Variants in UBE2U observed in about 807,000 individuals in gnomAD.
UBE2U encodes ubiquitin-conjugating enzyme E2 U.
UBE2U carries 39 observed loss-of-function variants against 41.2 expected under a neutral mutation model. The ratio of observed to expected loss-of-function variants is 0.95; its 90% CI spans 0.73 to 1.24. The LOEUF is 1.24. Among genes scored for constraint, UBE2U ranks in the 50% most tolerant of loss-of-function variants. The pLI is 0.00. For missense variants in UBE2U, 336 were observed against 363.1 expected (o/e 0.93, Z 0.61); for synonymous variants, 107 against 117.8 (o/e 0.91, Z 0.60).
intron 6 of UBE2U, among the ~76,000 whole-genome samples, chr1:64,228,686 C>CTTTTT (rs59774097): frequency 1.0e-5 from 1 of 95,732 alleles, no homozygotes; most frequent in Non-Finnish European, 1.9e-5. Flanking sequence ...CTCTCTCTCT[C>CTTTTT]TTTTTTTTTT....
intron 6 of UBE2U, among the ~76,000 whole-genome samples, chr1:64,230,595 A>T (rs1021303103): frequency 2.7e-5 from 4 of 146,006 alleles, no homozygotes; most frequent in African/African-American, 1.0e-4. Flanking sequence ...GTGCCCCCTT[A>T]TTTTTTTTTT....
In UBE2U at chr1:64,205,668, T is replaced by C; in HGVS notation, c.96T>C (p.Asp32=). ...TCACTGCTAAGCCTGTAAGTGAAGA[T>C]ATGATGGAATGGGAAGTTGAAATTG... ...KGITAKPVSE[D]MMEWEVEIEG... is the part of the protein sequence containing the mutation. Residue 32 remains aspartate, a synonymous_variant, in exon 2 of 10, where the codon GAT becomes GAC. Transcript: ENST00000371077. The C allele has an allele frequency of 6.2e-7, 1 of 1,613,378 alleles. No individual in the cohort carries two copies.
chr1:64,239,090 G>GAAGAAGAAGAAGAAGAAGAAGAAGAAGA (rs1557729590), intron 7 of UBE2U, among the ~76,000 whole-genome samples: 5 of 48,178 alleles, frequency 1.0e-4, no homozygotes, highest in African/African-American at 4.1e-4. Flanking sequence ...GGAAGAGGAA[G>GAAGAAGAAGAAGAAGAAGAAGAAGAAGA]AGGAAGAAGA....
chr1:64,257,755 A>G (rs1645117869), intron 8 of UBE2U, among the ~76,000 whole-genome samples: 1 of 152,210 alleles, frequency 6.6e-6, no homozygotes, highest in Non-Finnish European at 1.5e-5. Flanking sequence ...CATCTTGTAC[A>G]TGTACCCCTG....
chr1:64,224,757 A>C (rs886349473), intron 6 of UBE2U, among the ~76,000 whole-genome samples: 1 of 151,968 alleles, frequency 6.6e-6, no homozygotes, highest in Non-Finnish European at 1.5e-5. Context: ...AAAGTTGGAC[A>C]CAGAAATTCA....
chr1:64,266,527 G>A (rs565508115), intron 9 of UBE2U, among the ~76,000 whole-genome samples: 3 of 152,274 alleles, frequency 2.0e-5, no homozygotes, highest in South Asian at 2.1e-4. Flanking sequence ...GGTTAGCACC[G>A]CACCTGGCAC....
At chr1:64,242,298 A>C (rs1019370144) in intron 8 of UBE2U, among the ~76,000 whole-genome samples, 1 of 152,158 alleles carries the variant, frequency 6.6e-6, no homozygotes, top group Admixed American at 6.5e-5. Context: ...TTGACCCCTG[A>C]AGGCAGTTTT....
intron 7 of UBE2U, among the ~76,000 whole-genome samples, chr1:64,237,554 C>T (rs1432927762): frequency 2.0e-5 from 3 of 152,082 alleles, no homozygotes; most frequent in African/African-American, 7.2e-5. Context: ...TGTTTCTCTC[C>T]GATCAGTGTC....
In UBE2U at chr1:64,220,880, T is replaced by TA. The variant is rs763053944; in HGVS notation, c.480dup (p.Pro161ThrfsTer2). ...ATAGTGAAAGATGACAGCCAGGAGT[T>TA]ACCTAAAGACCCACGTAAATGTATC... is the stretch of plus-strand genomic sequence containing the variant. On this transcript the variant is annotated frameshift_variant, in exon 6 of 10. Transcript: ENST00000371077. LOFTEE classifies it high-confidence loss of function. 14 of 1,607,416 alleles carry TA rather than the reference T, an allele frequency of 8.7e-6. 1 individual carries two copies. Among genetic ancestry groups the TA allele is most frequent in the Admixed American group, 6.9e-5 (4 of 58,256 alleles).
chr1:64,249,845 T>A (rs1644979527), intron 8 of UBE2U, among the ~76,000 whole-genome samples: 1 of 151,964 alleles, frequency 6.6e-6, no homozygotes, highest in South Asian at 2.1e-4. Context: ...AAAAAATATT[T>A]GAAGAAATAA....
intron 6 of UBE2U, among the ~76,000 whole-genome samples, chr1:64,221,666 A>T (rs1334145673): frequency 3.3e-5 from 5 of 152,206 alleles, no homozygotes; most frequent in African/African-American, 1.2e-4. Flanking sequence ...TAATTTCTTG[A>T]GCATTTCCAT....
At chr1:64,224,022 A>T (rs1048578664) in intron 6 of UBE2U, among the ~76,000 whole-genome samples, 2 of 152,116 alleles carry the variant, frequency 1.3e-5, no homozygotes, top group Non-Finnish European at 2.9e-5. Flanking sequence ...GAGGAAAGGG[A>T]GGGGAGGATT....
chr1:64,239,157 A>AAGAGGAAGAAGAAGAAG, intron 7 of UBE2U, among the ~76,000 whole-genome samples: 1 of 37,064 alleles, frequency 2.7e-5, no homozygotes, highest in East Asian at 1.0e-3. Context: ...GAAGAAGAAG[A>AAGAGGAAGAAGAAGAAG]AAGAAGAAGA....
intron 8 of UBE2U, among the ~76,000 whole-genome samples, chr1:64,257,478 G>A (rs749981632): frequency 2.0e-5 from 3 of 152,096 alleles, no homozygotes; most frequent in Non-Finnish European, 2.9e-5. Flanking sequence ...GGATGGAGTC[G>A]GAAGCCATTA....
intron 6 of UBE2U, among the ~76,000 whole-genome samples, chr1:64,231,719 A>G (rs1459064078): frequency 6.6e-6 from 1 of 152,210 alleles, no homozygotes; most frequent in Non-Finnish European, 1.5e-5. Flanking sequence ...AACTAATGCT[A>G]ATATACTTGT....
intron 7 of UBE2U, among the ~76,000 whole-genome samples, chr1:64,237,345 G>A (rs951892575): frequency 1.3e-5 from 2 of 150,556 alleles, no homozygotes; most frequent in African/African-American, 2.4e-5. Context: ...CAATGCCCTG[G>A]AAGCTGCAGA....
chr1:64,237,279 G>A (rs1644685006), intron 7 of UBE2U, among the ~76,000 whole-genome samples: 1 of 134,358 alleles, frequency 7.4e-6, no homozygotes, highest in South Asian at 2.4e-4. Context: ...AACCCGTACA[G>A]ATGTTGGACA....
intron 7 of UBE2U, among the ~76,000 whole-genome samples, chr1:64,238,397 A>T (rs1317014749): frequency 6.7e-6 from 1 of 150,044 alleles, no homozygotes; most frequent in Admixed American, 6.6e-5. Flanking sequence ...GAGTGAGACT[A>T]TCTTAAAAAA....
intron 8 of UBE2U, among the ~76,000 whole-genome samples, chr1:64,250,142 T>C (rs1347121043): frequency 2.0e-5 from 3 of 152,146 alleles, no homozygotes; most frequent in Admixed American, 6.5e-5. Context: ...TTGAAAGAAA[T>C]TATTAAACAT....
Sources: allele counts gnomAD v4.1 joint callset (sites outside exome capture counted in the v4.1 genomes callset), GRCh38; gene constraint gnomAD v4.1.1; transcripts MANE v1.5; gene names NCBI Gene and HGNC (gene_info 2026-07-23, HGNC 2026-07-21).